Variants in NUDCD1 observed in about 807,000 individuals in gnomAD.
NUDCD1 encodes the protein nudC domain-containing protein 1.
In NUDCD1, 60 loss-of-function variants were observed where a neutral mutation model predicts 67.8. The ratio of observed to expected loss-of-function variants is 0.88; its 90% CI spans 0.72 to 1.10. The LOEUF is 1.10. Ranked by LOEUF, NUDCD1 falls within the 50% of genes least tolerant of loss-of-function variation. The pLI is 0.00. For missense variants in NUDCD1, 643 were observed against 695.0 expected (o/e 0.93, Z 0.84); for synonymous variants, 244 against 230.8 (o/e 1.06, Z -0.52).
chr8:109,253,017 C>G lies in NUDCD1; in HGVS notation c.1300-7536G>C, dbSNP rs552915439. ...CAAGAGGTTCCAAATATACAAGTAG[C>G]CAACCCATGTACTATAGGAACCCAC... On this transcript the variant is annotated intron_variant, in intron 8 of 9. Transcript: ENST00000239690. Among the ~76,000 whole-genome samples the G allele has an allele frequency of 3.9e-5, 6 of 152,248 alleles. 1 individual carries two copies. In the East Asian group the frequency reaches 1.2e-3, roughly 29 times the overall value.
At chr8:109,284,003 AAAAAC>A (rs1356218365) in intron 5 of NUDCD1, among the ~76,000 whole-genome samples, 1 of 150,446 alleles carries the variant, frequency 6.6e-6, no homozygotes, top group African/African-American at 2.5e-5. Context: ...AAAAAAAAAA[AAAAAC>A]AAAACAAAAA....
Position 109,334,070 on chromosome 8 carries a change from A to T in NUDCD1, c.-60T>A. 2 of 1,607,218 alleles carry T rather than the reference A, an allele frequency of 1.2e-6. No individual in the cohort carries two copies. Among genetic ancestry groups the T allele is most frequent in the African/African-American group, 1.3e-5 (1 of 74,844 alleles). ...GCCCTTGTTGAAAGGTCCGCGCTTCACGCCTCGCACAGAGACTGGGAAGCG... is the reference window on the plus strand; with the variant it reads ...GCCCTTGTTGAAAGGTCCGCGCTTCTCGCCTCGCACAGAGACTGGGAAGCG... On this transcript the variant is annotated 5_prime_UTR_variant, in exon 1 of 10. Coordinates refer to ENST00000239690, the MANE Select transcript of NUDCD1 (RefSeq NM_032869.4).
intron 1 of NUDCD1, among the ~76,000 whole-genome samples, chr8:109,325,870 T>A (rs1204871196): frequency 6.6e-6 from 1 of 152,202 alleles, no homozygotes; most frequent in Admixed American, 6.5e-5. Context: ...GGAAGATCCA[T>A]TAGAAAGCTA....
At chr8:109,287,620 A>T (rs986935881) in intron 5 of NUDCD1, among the ~76,000 whole-genome samples, 2 of 152,150 alleles carry the variant, frequency 1.3e-5, no homozygotes, top group African/African-American at 4.8e-5. Context: ...TGGCAACAAC[A>T]TACAATAGGG....
rs999090647 is a variant in NUDCD1 at position 109,242,182 on chromosome 8, T to C, written c.*827A>G. The C allele has an allele frequency of 2.5e-6, 1 of 397,850 alleles. No homozygotes were observed. The highest frequency in any genetic ancestry group is 4.4e-6 in the Non-Finnish European group (1 of 225,490). 24.6% of individuals were successfully genotyped at this position (397,850 alleles called of 1,614,324 possible). On this transcript the variant is annotated 3_prime_UTR_variant, in exon 10 of 10. Transcript: ENST00000239690. Reference sequence around the variant, plus strand: ...TGGCCATGTGATTTGCTTTGTCCAATGGAACATTAGTAAATATGATAGATG... The same window carrying C: ...TGGCCATGTGATTTGCTTTGTCCAACGGAACATTAGTAAATATGATAGATG...
chr8:109,326,560 A>G (rs990025749), intron 1 of NUDCD1, among the ~76,000 whole-genome samples: 4 of 152,238 alleles, frequency 2.6e-5, no homozygotes, highest in African/African-American at 4.8e-5. Flanking sequence ...CTTTTTACAG[A>G]GAAGCCAGTG....
At chr8:109,327,475 C>T (rs1415372064) in intron 1 of NUDCD1, among the ~76,000 whole-genome samples, 2 of 152,192 alleles carry the variant, frequency 1.3e-5, no homozygotes, top group Non-Finnish European at 2.9e-5. Flanking sequence ...CCACAAAGAT[C>T]ATTAGGAAAA....
At chr8:109,295,988 GACT>G (rs1814832799) in intron 3 of NUDCD1, among the ~76,000 whole-genome samples, 1 of 152,042 alleles carries the variant, frequency 6.6e-6, no homozygotes, top group Non-Finnish European at 1.5e-5. Flanking sequence ...CTGGTAATCT[GACT>G]ACTATTTGAC....
chr8:109,332,745 TG>T (rs1815838924), intron 1 of NUDCD1, among the ~76,000 whole-genome samples: 1 of 152,034 alleles, frequency 6.6e-6, no homozygotes, highest in Admixed American at 6.6e-5. Flanking sequence ...TCTACTGACA[TG>T]GGGTGACTGG....
chr8:109,243,792 C>T (rs1383256134), intron 9 of NUDCD1, among the ~76,000 whole-genome samples: 1 of 151,938 alleles, frequency 6.6e-6, no homozygotes, highest in Non-Finnish European at 1.5e-5. Context: ...TACTAGTATT[C>T]GTGATGCATT....
intron 2 of NUDCD1, among the ~76,000 whole-genome samples, chr8:109,301,930 C>A (rs1815000334): frequency 6.6e-6 from 1 of 152,208 alleles, no homozygotes; most frequent in African/African-American, 2.4e-5. Flanking sequence ...CATTCACCAA[C>A]ATTCCTTTGG....
At chr8:109,321,574 C>A (rs1345633706) in intron 2 of NUDCD1, among the ~76,000 whole-genome samples, 1 of 151,552 alleles carries the variant, frequency 6.6e-6, no homozygotes. Flanking sequence ...AACAAAGACA[C>A]CAAGGAACAA....
chr8:109,308,286 T>C (rs902064763), intron 2 of NUDCD1, among the ~76,000 whole-genome samples: 3 of 152,054 alleles, frequency 2.0e-5, no homozygotes, highest in Non-Finnish European at 4.4e-5. Context: ...CTGCAGACAA[T>C]AGTGACACAA....
chr8:109,249,940 G>A (rs1813585609), intron 8 of NUDCD1, among the ~76,000 whole-genome samples: 2 of 150,440 alleles, frequency 1.3e-5, no homozygotes, highest in Non-Finnish European at 2.9e-5. Flanking sequence ...TGACCTCCTG[G>A]GCTCAAGCAA....
intron 6 of NUDCD1, among the ~76,000 whole-genome samples, chr8:109,278,644 G>C (rs1356862356): frequency 6.6e-6 from 1 of 152,168 alleles, no homozygotes; most frequent in African/African-American, 2.4e-5. Context: ...TCCATATGTG[G>C]AATCATACAG....
At chr8:109,263,724 G>A (rs182531444) in intron 8 of NUDCD1, among the ~76,000 whole-genome samples, 3 of 152,028 alleles carry the variant, frequency 2.0e-5, no homozygotes, top group Admixed American at 6.5e-5. Context: ...GGGTTGGGGA[G>A]GGGGGTGCTG....
chr8:109,271,221 G>C, intron 7 of NUDCD1, 91 bp from the exon 8 acceptor site: 1 of 824,998 alleles, frequency 1.2e-6, no homozygotes, highest in Non-Finnish European at 1.9e-6. Context: ...GGTTACAGCA[G>C]TAATTAAAAA....
intron 6 of NUDCD1, among the ~76,000 whole-genome samples, chr8:109,276,570 CTATTT>C (rs1156457888): frequency 1.1e-4 from 17 of 152,168 alleles, no homozygotes; most frequent in African/African-American, 3.1e-4. Flanking sequence ...CTGAAACTAC[CTATTT>C]TAAGAGACTA....
rs1008539133 is a variant in NUDCD1, at chr8:109,259,034, A to T, written c.1299+11971T>A. On this transcript the variant is annotated intron_variant, in intron 8 of 9. Coordinates refer to ENST00000239690, the MANE Select transcript of NUDCD1 (RefSeq NM_032869.4). ...TACCTGAACTTTAAGCTGCTGGGAG[A>T]CAATTTTCCTAAATACTCACATTTT... Among the ~76,000 whole-genome samples the T allele has an allele frequency of 7.2e-5, 11 of 152,324 alleles. No homozygotes were observed. The East Asian group carries it at 2.1e-3, about 29-fold the overall frequency.
Sources: allele counts gnomAD v4.1 joint callset (sites outside exome capture counted in the v4.1 genomes callset), GRCh38; gene constraint gnomAD v4.1.1; transcripts MANE v1.5; gene names NCBI Gene and HGNC (gene_info 2026-07-23, HGNC 2026-07-21).